LPP: variants seen among roughly 807,000 people sequenced by gnomAD.
The protein encoded by LPP is lipoma-preferred partner.
Under a neutral mutation model 60.4 loss-of-function variants are expected in LPP, and 38 were observed. The ratio of observed to expected loss-of-function variants is 0.63; its 90% confidence interval spans 0.49 to 0.83. The LOEUF (loss-of-function observed/expected upper bound fraction) is 0.83, where lower values mean the gene tolerates loss of function less well. LPP is among the 40% of genes least tolerant of loss of function. The pLI is 0.00. For synonymous variants in LPP, 328 were observed against 290.8 expected (o/e 1.13, Z -1.30); for missense variants, 902 against 783.6 (o/e 1.15, Z -1.80).
At chr3:188,312,211 A>C (rs1753693141) in intron 2 of LPP, among the ~76,000 whole-genome samples, 1 of 152,130 alleles carries the variant, frequency 6.6e-6, no homozygotes, top group African/African-American at 2.4e-5. Flanking sequence ...ATATAAATAC[A>C]TTTATATACA....
intron 8 of LPP, chr3:188,710,486 A>T (rs1866418602): frequency 6.6e-6 from 1 of 152,192 alleles, no homozygotes; most frequent in African/African-American, 2.4e-5. Context: ...TATAACAATA[A>T]AGCTAAACAT....
intron 7 of LPP, among the ~76,000 whole-genome samples, chr3:188,657,668 A>T (rs933032722): frequency 6.6e-6 from 1 of 151,998 alleles, no homozygotes; most frequent in African/African-American, 2.4e-5. Flanking sequence ...CATGATATCC[A>T]TAGTTTGTCC....
intron 7 of LPP, among the ~76,000 whole-genome samples, chr3:188,640,343 G>T (rs1489762774): frequency 5.2e-5 from 7 of 135,010 alleles, no homozygotes; most frequent in African/African-American, 1.9e-4. Context: ...ACAGGAAGGG[G>T]AACATCACAC....
chr3:188,480,235 AAGT>A (rs1436704040), intron 4 of LPP, among the ~76,000 whole-genome samples: 1 of 152,226 alleles, frequency 6.6e-6, no homozygotes, highest in Non-Finnish European at 1.5e-5. Context: ...AATTGGCAGT[AAGT>A]AGTGTTTGGG....
chr3:188,741,375 C>A (rs1724363583), intron 8 of LPP, among the ~76,000 whole-genome samples: 1 of 151,988 alleles, frequency 6.6e-6, no homozygotes, highest in Non-Finnish European at 1.5e-5. Flanking sequence ...CTAAGTTCTC[C>A]AACTTTGTTC....
intron 1 of LPP, among the ~76,000 whole-genome samples, chr3:188,214,748 G>A (rs1712820439): frequency 6.6e-6 from 1 of 152,128 alleles, no homozygotes; most frequent in South Asian, 2.1e-4. Flanking sequence ...CCTTGAAGAA[G>A]GAAAGCCTGG....
intron 3 of LPP, among the ~76,000 whole-genome samples, chr3:188,376,302 G>A (rs1194266586): frequency 1.3e-5 from 2 of 151,566 alleles, no homozygotes; most frequent in African/African-American, 4.8e-5. Flanking sequence ...GTTGACAGTG[G>A]GGTGTTAAAG....
intron 4 of LPP, among the ~76,000 whole-genome samples, chr3:188,438,778 G>C (rs1047716710): frequency 6.6e-6 from 1 of 152,202 alleles, no homozygotes; most frequent in East Asian, 1.9e-4. Context: ...ATGGTGAGCA[G>C]AGGATAGGAC....
chr3:188,200,841 C>T (rs1730889547), intron 1 of LPP, among the ~76,000 whole-genome samples: 1 of 151,984 alleles, frequency 6.6e-6, no homozygotes, highest in South Asian at 2.1e-4. Context: ...TTTAAAATCC[C>T]CAGGAGTTAT....
intron 6 of LPP, among the ~76,000 whole-genome samples, chr3:188,566,038 G>A (rs899258328): frequency 3.9e-5 from 6 of 151,932 alleles, no homozygotes; most frequent in South Asian, 2.1e-4. Context: ...AGGTTTCATC[G>A]TGTGGTTAAT....
intron 2 of LPP, among the ~76,000 whole-genome samples, chr3:188,240,376 T>TGTGTGAGAGA (rs534393899): frequency 1.3e-3 from 193 of 143,318 alleles, no homozygotes; most frequent in Admixed American, 1.3e-3. Context: ...TGTGTGTGTG[T>TGTGTGAGAGA]GAGAGAGAGA....
chr3:188,594,966 C>A (rs1040316977), intron 6 of LPP, among the ~76,000 whole-genome samples: 1 of 152,054 alleles, frequency 6.6e-6, no homozygotes, highest in African/African-American at 2.4e-5. Flanking sequence ...TATAGCATAA[C>A]AGGATTAAGT....
chr3:188,502,088 G>T (rs1393704966), intron 5 of LPP, among the ~76,000 whole-genome samples: 1 of 152,032 alleles, frequency 6.6e-6, no homozygotes, highest in Non-Finnish European at 1.5e-5. Context: ...GCTTATTCAT[G>T]TTCTATCCTG....
intron 4 of LPP, among the ~76,000 whole-genome samples, chr3:188,426,785 T>C (rs1295640372): frequency 6.6e-6 from 1 of 152,204 alleles, no homozygotes; most frequent in Non-Finnish European, 1.5e-5. Flanking sequence ...CCTGCTTTTT[T>C]TTGCTTTCCG....
chr3:188,794,402 G>A (rs1744721166), intron 9 of LPP, among the ~76,000 whole-genome samples: 1 of 152,136 alleles, frequency 6.6e-6, no homozygotes, highest in African/African-American at 2.4e-5. Flanking sequence ...CATAAAAGGT[G>A]AATTTGTATT....
At chr3:188,694,684 T>C (rs1862837440) in intron 7 of LPP, among the ~76,000 whole-genome samples, 1 of 144,276 alleles carries the variant, frequency 6.9e-6, no homozygotes, top group East Asian at 2.0e-4. Context: ...GCAACAAGAG[T>C]GAAACTCCAT....
At chr3:188,547,803 C>T (rs1827057475) in intron 6 of LPP, among the ~76,000 whole-genome samples, 1 of 152,090 alleles carries the variant, frequency 6.6e-6, no homozygotes, top group Admixed American at 6.6e-5. Flanking sequence ...TCAAGTGAAC[C>T]TTAATAAGAA....
chr3:188,393,045 T>G (rs1780073870), intron 3 of LPP, among the ~76,000 whole-genome samples: 2 of 151,428 alleles, frequency 1.3e-5, no homozygotes, highest in Non-Finnish European at 2.9e-5. Context: ...TTTTTCCTGC[T>G]CCAAATTAAG....
intron 8 of LPP, among the ~76,000 whole-genome samples, chr3:188,756,496 G>A (rs1577366746): frequency 1.3e-5 from 2 of 152,102 alleles, no homozygotes; most frequent in Non-Finnish European, 2.9e-5. Context: ...CTAAAAGATG[G>A]GCCTTAAGAT....
Sources: allele counts gnomAD v4.1 joint callset (sites outside exome capture counted in the v4.1 genomes callset), GRCh38; gene constraint gnomAD v4.1.1; transcripts MANE v1.5; gene names NCBI Gene and HGNC (gene_info 2026-07-23, HGNC 2026-07-21).